The following HCN1 variants were observed in gnomAD, a reference collection of about 807,000 sequenced individuals.
HCN1 encodes the protein potassium/sodium hyperpolarization-activated cyclic nucleotide-gated channel 1.
A neutral mutation model predicts 78.9 loss-of-function variants in HCN1; 13 were observed. The observed-to-expected ratio is 0.16, with a 90% CI of 0.11 to 0.26. The LOEUF (loss-of-function observed/expected upper bound fraction) is 0.26, where lower values mean the gene tolerates loss of function less well. Ranked by LOEUF, HCN1 falls within the 10% of genes least tolerant of loss-of-function variation. The probability of loss-of-function intolerance (pLI) is 1.00; values close to 1 mark genes in which losing one functional copy is unlikely to be tolerated. For missense variants in HCN1, 810 were observed against 1,154.3 expected, an observed-to-expected ratio of 0.70 and a Z score of 4.32; for synonymous variants, 552 against 455.5, an observed-to-expected ratio of 1.21 and a Z score of -2.70.
At chr5:45,659,022 C>G (rs1028700164) in intron 1 of HCN1, among the ~76,000 whole-genome samples, 1 of 151,408 alleles carries the variant, frequency 6.6e-6, no homozygotes, top group African/African-American at 2.4e-5. Context: ...AACAAAAAGA[C>G]AGCAGTAACC....
At chr5:45,595,894 ATT>A (rs200610142) in intron 2 of HCN1, among the ~76,000 whole-genome samples, 1 of 143,986 alleles carries the variant, frequency 6.9e-6, no homozygotes, top group Non-Finnish European at 1.5e-5. Context: ...TGGACCTATG[ATT>A]TTTTTTTTTA....
At chr5:45,436,572 T>A (rs2112082216) in intron 3 of HCN1, among the ~76,000 whole-genome samples, 1 of 152,252 alleles carries the variant, frequency 6.6e-6, no homozygotes. Flanking sequence ...CAAAAGAAAA[T>A]CACTTTACTC....
intron 5 of HCN1, among the ~76,000 whole-genome samples, chr5:45,307,003 G>GA (rs1351300089): frequency 1.8e-4 from 28 of 151,758 alleles, no homozygotes; most frequent in African/African-American, 5.6e-4. Context: ...AAAAACAAAT[G>GA]AAAAAACAAA....
intron 2 of HCN1, among the ~76,000 whole-genome samples, chr5:45,524,182 G>A (rs377002089): frequency 8.6e-5 from 13 of 152,026 alleles, no homozygotes; most frequent in East Asian, 3.9e-4. Flanking sequence ...GATACGTGGC[G>A]TTATTTCTGA....
chr5:45,581,590 T>A lies in HCN1; in HGVS notation c.849+63595A>T, dbSNP rs549184830. On this transcript the variant is annotated intron_variant, in intron 2 of 7. Transcript: ENST00000303230. The stretch of plus-strand genomic sequence containing the variant: ...TTTTGGTGTTTTAAACATGAAGTCC[T>A]TGCCCATGCCTATGTCCTGAATGGT... 1.2e-3 allele frequency among the ~76,000 whole-genome samples: 183 copies of A among 152,310 alleles called. 1 individual carries two copies. Among genetic ancestry groups the A allele is most frequent in the African/African-American group, 4.3e-3 (178 of 41,572 alleles).
Position 45,599,410 on chromosome 5 carries a change from G to A in HCN1, c.849+45775C>T, listed in dbSNP as rs147143518. ...AACATCACACAGCAAGGCATGTCAG[G>A]GGGTGGGGGCTGGGGGAGGGATAGC... On this transcript the variant is annotated intron_variant, in intron 2 of 7. Coordinates refer to ENST00000303230, the MANE Select transcript of HCN1 (RefSeq NM_021072.4). Among the ~76,000 whole-genome samples the A allele has an allele frequency of 3.9e-5, 6 of 152,046 alleles. No homozygotes were observed. In the East Asian group the frequency reaches 1.2e-3, roughly 29 times the overall value.
chr5:45,665,523 C>T (rs1029671912), intron 1 of HCN1, among the ~76,000 whole-genome samples: 53 of 151,820 alleles, frequency 3.5e-4, no homozygotes, highest in Admixed American at 2.0e-4. Context: ...CTGGTTTCTT[C>T]AACAGCTTAA....
rs1744610496 is a variant in HCN1, at chr5:45,256,207, C to A, written c.*5714G>T. 1 of 151,876 alleles carries A rather than the reference C, an allele frequency of 6.6e-6. No homozygotes were observed. The highest frequency in any genetic ancestry group is 1.5e-5 in the Non-Finnish European group (1 of 68,002). The allele number at this position is 151,876 out of a possible 1,614,324, so 9.4% of individuals were successfully genotyped here. ...CCAACATGGTAAAACCCTGTCTCTA[C>A]TAAAAATTACAAAAATTTAGCTAGC... On this transcript the variant is annotated 3_prime_UTR_variant, in exon 8 of 8. Transcript: ENST00000303230.
At chr5:45,316,764 C>T (rs973294904) in intron 5 of HCN1, among the ~76,000 whole-genome samples, 1 of 152,046 alleles carries the variant, frequency 6.6e-6, no homozygotes, top group African/African-American at 2.4e-5. Flanking sequence ...TTCTTATACA[C>T]CAATAACAGA....
intron 4 of HCN1, among the ~76,000 whole-genome samples, chr5:45,362,677 T>A (rs936834750): frequency 6.6e-6 from 1 of 152,142 alleles, no homozygotes; most frequent in Non-Finnish European, 1.5e-5. Context: ...GCTATCATGA[T>A]CTTCATTTTA....
intron 2 of HCN1, among the ~76,000 whole-genome samples, chr5:45,543,922 C>G (rs761348246): frequency 6.6e-6 from 1 of 151,800 alleles, no homozygotes; most frequent in East Asian, 1.9e-4. Context: ...ATATATAAAG[C>G]AGATAGAGAA....
chr5:45,663,632 CA>C (rs1745968628), intron 1 of HCN1, among the ~76,000 whole-genome samples: 1 of 150,140 alleles, frequency 6.7e-6, no homozygotes, highest in Non-Finnish European at 1.5e-5. Flanking sequence ...ACAACCCCAT[CA>C]AAAAGTGGGT....
intron 2 of HCN1, among the ~76,000 whole-genome samples, chr5:45,581,385 A>C (rs1173970019): frequency 6.6e-6 from 1 of 151,768 alleles, no homozygotes; most frequent in Non-Finnish European, 1.5e-5. Context: ...TTTTCTTGTA[A>C]ATTTCTTTGA....
chr5:45,656,930 T>A (rs933084900), intron 1 of HCN1, among the ~76,000 whole-genome samples: 1 of 152,060 alleles, frequency 6.6e-6, no homozygotes, highest in African/African-American at 2.4e-5. Context: ...CTAGTATATG[T>A]TCTTTTCCCT....
chr5:45,556,840 A>G (rs1320856580), intron 2 of HCN1, among the ~76,000 whole-genome samples: 2 of 151,918 alleles, frequency 1.3e-5, no homozygotes, highest in Non-Finnish European at 2.9e-5. Flanking sequence ...AGCGAACACT[A>G]TTCTCCTAGT....
intron 3 of HCN1, among the ~76,000 whole-genome samples, chr5:45,451,748 C>A (rs895917117): frequency 6.6e-6 from 1 of 151,676 alleles, no homozygotes; most frequent in Non-Finnish European, 1.5e-5. Context: ...CACCTAAAGG[C>A]CAAAAACATA....
intron 6 of HCN1, among the ~76,000 whole-genome samples, chr5:45,281,368 C>A (rs960666309): frequency 6.6e-6 from 1 of 152,048 alleles, no homozygotes; most frequent in South Asian, 2.1e-4. Flanking sequence ...TTCCTCTTCA[C>A]CTTTCACTAT....
chr5:45,283,143 T>C (rs1041404872), intron 6 of HCN1, among the ~76,000 whole-genome samples: 3 of 152,148 alleles, frequency 2.0e-5, no homozygotes, highest in African/African-American at 7.2e-5. Context: ...TTAAAGAGAA[T>C]AGTATAAAAT....
intron 2 of HCN1, among the ~76,000 whole-genome samples, chr5:45,620,987 T>C (rs62369118): frequency 0.055 from 8,432 of 152,214 alleles, 309 homozygotes; most frequent in East Asian, 0.15. Flanking sequence ...AATCCTCTGA[T>C]TATTCAGATA....
Sources: gnomAD v4.1 joint callset for allele counts (sites outside exome capture counted in the v4.1 genomes callset) on GRCh38, gnomAD v4.1.1 for gene constraint, MANE v1.5 for transcripts, NCBI Gene and HGNC (gene_info 2026-07-23, HGNC 2026-07-21) for gene names.